The following PCSK6 variants were observed in gnomAD, a reference collection of about 807,000 sequenced individuals.
The protein encoded by PCSK6 is paired basic amino acid cleaving enzyme 4.
A neutral mutation model predicts 123.3 loss-of-function variants in PCSK6; 85 were observed. The observed-to-expected ratio is 0.69, with a 90% confidence interval of 0.58 to 0.83. The LOEUF (loss-of-function observed/expected upper bound fraction) is 0.83, where lower values mean the gene tolerates loss of function less well. Among genes scored for constraint, PCSK6 ranks in the 40% least tolerant of loss-of-function variants. PCSK6 has a pLI of 0.00. For missense variants in PCSK6, 1,191 were observed against 1,282.3 expected (o/e 0.93, Z 1.09); for synonymous variants, 508 against 516.0 (o/e 0.98, Z 0.21).
Position 101,393,658 on chromosome 15 carries a change from G to A in PCSK6, c.997-234C>T, listed in dbSNP as rs1192771656. Among the ~76,000 whole-genome samples, 6 of 152,284 alleles carry A rather than the reference G, an allele frequency of 3.9e-5. No individual in the cohort carries two copies. The East Asian group carries it at 1.2e-3, about 29-fold the overall frequency. ...ATTGCAGAATCACAGGATCATACGA[G>A]GGGAAGGGGCCAGAAAGACTCCTCT... On this transcript the variant is annotated intron_variant, in intron 7 of 21. Coordinates refer to ENST00000611716, the MANE Select transcript of PCSK6 (RefSeq NM_002570.5).
At position 101,325,026 on chromosome 15, in the gene PCSK6, G is replaced by A; in HGVS notation, c.2201C>T (p.Pro734Leu). The change falls in exon 17 of 22, where the codon CCC becomes CTC. Residue 734 changes from proline to leucine, a missense_variant. Pro to Leu is a moderately conservative substitution (Grantham distance 98, BLOSUM62 -3). Around this residue, in one of 3 missense-constraint regions of PCSK6, gnomAD observed 630 missense variants for 631.4 expected, o/e 1.00. Coordinates refer to ENST00000611716, the MANE Select transcript of PCSK6 (RefSeq NM_002570.5). ...KTSRKCVSVC[P>L]LGYFGDTAAR... is the part of the protein sequence containing the mutation. Reference sequence around the variant, plus strand: ...TGCTGTGTCCCCAAAGTAGCCCAAGGGGCACACACTCACGCACTTCCTGTA... The same window carrying A: ...TGCTGTGTCCCCAAAGTAGCCCAAGAGGCACACACTCACGCACTTCCTGTA... The A allele has an allele frequency of 7.5e-6, 12 of 1,610,514 alleles. No individual in the cohort carries two copies. Among genetic ancestry groups the A allele is most frequent in the Non-Finnish European group, 1.0e-5 (12 of 1,179,558 alleles).
At chr15:101,354,658 C>T (rs545726961) in intron 13 of PCSK6, among the ~76,000 whole-genome samples, 7 of 152,324 alleles carry the variant, frequency 4.6e-5, no homozygotes, top group South Asian at 2.1e-4. Context: ...CTTTTAAAAA[C>T]TCTTCACGTA....
chr15:101,400,968 G>C (rs2042568907), intron 6 of PCSK6, among the ~76,000 whole-genome samples: 1 of 152,192 alleles, frequency 6.6e-6, no homozygotes, highest in Admixed American at 6.5e-5. Flanking sequence ...GCAAGACAGA[G>C]AATACAAGAG....
At chr15:101,411,507 A>C (rs978912384) in intron 6 of PCSK6, among the ~76,000 whole-genome samples, 3 of 152,156 alleles carry the variant, frequency 2.0e-5, no homozygotes, top group Admixed American at 6.5e-5. Context: ...CCACAGCCAC[A>C]TGGGGATCTG....
intron 6 of PCSK6, among the ~76,000 whole-genome samples, chr15:101,402,040 CA>C (rs2141587065): frequency 6.6e-6 from 1 of 151,938 alleles, no homozygotes; most frequent in Non-Finnish European, 1.5e-5. Flanking sequence ...CTACAGTAAC[CA>C]AAACAGCATG....
rs969659041 is a variant in PCSK6, at chr15:101,487,830, C to T, written c.297+1544G>A. 7.9e-5 allele frequency among the ~76,000 whole-genome samples: 12 copies of T among 152,040 alleles called. No homozygotes were observed. The East Asian group carries it at 1.2e-3, about 15-fold the overall frequency. On this transcript the variant is annotated intron_variant, in intron 1 of 21. Transcript: ENST00000611716. ...GACAAACGAAGTCAGTGCTACCCGACGGCAAAATCTGAAATCACAGGATGT... is the reference window on the plus strand; with the variant it reads ...GACAAACGAAGTCAGTGCTACCCGATGGCAAAATCTGAAATCACAGGATGT...
intron 21 of PCSK6, among the ~76,000 whole-genome samples, chr15:101,306,762 C>T (rs1054242875): frequency 6.6e-6 from 1 of 152,212 alleles, no homozygotes; most frequent in African/African-American, 2.4e-5. Context: ...TGGATCCCTG[C>T]AGAGCTGGGA....
At chr15:101,354,707 T>C (rs1029667868) in intron 13 of PCSK6, among the ~76,000 whole-genome samples, 11 of 152,216 alleles carry the variant, frequency 7.2e-5, no homozygotes, top group African/African-American at 2.7e-4. Flanking sequence ...GAGAAAACAG[T>C]ACAATGAGTC....
chr15:101,391,050 G>C (rs1352960297), intron 8 of PCSK6, among the ~76,000 whole-genome samples: 1 of 152,152 alleles, frequency 6.6e-6, no homozygotes, highest in African/African-American at 2.4e-5. Context: ...TCTAGGGAAG[G>C]TGGGGGTCTG....
intron 1 of PCSK6, among the ~76,000 whole-genome samples, chr15:101,479,569 G>C (rs1194354491): frequency 1.3e-5 from 2 of 152,324 alleles, no homozygotes; most frequent in Non-Finnish European, 2.9e-5. Context: ...TGGTCGGACA[G>C]GGCTGTGGTC....
rs45542339 is a variant in PCSK6 at position 101,305,045 on chromosome 15, C to T, written c.*213G>A. 4.8e-4 allele frequency: 260 copies of T among 537,946 alleles called. No homozygotes were observed. Among genetic ancestry groups the T allele is most frequent in the Middle Eastern group, 4.8e-4 (1 of 2,086 alleles). 33.3% of individuals were successfully genotyped at this position (537,946 alleles called of 1,614,324 possible). A position where few individuals can be genotyped will look rare whatever the true frequency, so the allele number is the denominator to read the frequency against. On this transcript the variant is annotated 3_prime_UTR_variant, in exon 22 of 22. Transcript: ENST00000611716. The surrounding 1 kb of genome is among the most constrained non-coding windows in gnomAD (Gnocchi z 4.8). Reference sequence around the variant, plus strand: ...TAGTTTGTCGGAAGACTGGAGCCAACAAGCAGCATTTGAGAGGATATCACC... The same window carrying T: ...TAGTTTGTCGGAAGACTGGAGCCAATAAGCAGCATTTGAGAGGATATCACC...
intron 5 of PCSK6, among the ~76,000 whole-genome samples, chr15:101,429,621 C>T (rs908481151): frequency 2.6e-5 from 4 of 152,218 alleles, no homozygotes; most frequent in African/African-American, 9.7e-5. Flanking sequence ...AGGCACGTGA[C>T]CTGTGTGCTC....
chr15:101,375,137 G>A (rs1362779520), intron 11 of PCSK6, among the ~76,000 whole-genome samples: 5 of 152,200 alleles, frequency 3.3e-5, no homozygotes, highest in Admixed American at 3.3e-4. Flanking sequence ...ATTTTTAGTA[G>A]AGATGGGGTT....
chr15:101,463,476 T>A (rs1018229291), intron 1 of PCSK6, among the ~76,000 whole-genome samples: 3 of 152,210 alleles, frequency 2.0e-5, no homozygotes, highest in Non-Finnish European at 2.9e-5. Context: ...ACTCCGCCCA[T>A]GCCTTGGGAA....
In PCSK6 at chr15:101,403,259, T is replaced by C. The variant is rs1447831067; in HGVS notation, c.824-4683A>G. ...ACACAGGAAGGGGAACATCACACTC[T>C]GGGGACTGTTGTGGGGTGGGGGGAG... On this transcript the variant is annotated intron_variant, in intron 6 of 21. Coordinates refer to ENST00000611716, the MANE Select transcript of PCSK6 (RefSeq NM_002570.5). Among the ~76,000 whole-genome samples the C allele has an allele frequency of 7.2e-4, 75 of 103,802 alleles. 1 individual carries two copies. The highest frequency in any genetic ancestry group is 1.9e-3 in the Admixed American group (13 of 7,020). 68.1% of individuals were successfully genotyped at this position (103,802 alleles called of 152,430 possible).
At chr15:101,426,657 C>T (rs2056265302) in intron 6 of PCSK6, among the ~76,000 whole-genome samples, 1 of 152,194 alleles carries the variant, frequency 6.6e-6, no homozygotes, top group Non-Finnish European at 1.5e-5. Flanking sequence ...TTTCGAAACA[C>T]AAGAAATTCC....
At chr15:101,336,281 G>T (rs73493334) in intron 13 of PCSK6, among the ~76,000 whole-genome samples, 6,442 of 152,312 alleles carry the variant, frequency 0.042, 252 homozygotes, top group East Asian at 0.13. Flanking sequence ...GGGTTGCTTT[G>T]GAGATTAAAT....
chr15:101,476,660 C>G (rs976043831), intron 1 of PCSK6, among the ~76,000 whole-genome samples: 3 of 151,542 alleles, frequency 2.0e-5, no homozygotes, highest in Non-Finnish European at 4.4e-5. Flanking sequence ...AATGTGTGAA[C>G]AGTGGTGACA....
intron 6 of PCSK6, among the ~76,000 whole-genome samples, chr15:101,403,745 C>T (rs1013830974): frequency 1.3e-5 from 2 of 151,538 alleles, no homozygotes; most frequent in Admixed American, 6.6e-5. Flanking sequence ...TTTGAGATGG[C>T]GTCTCGCTCT....
Sources: gnomAD v4.1 joint callset for allele counts (sites outside exome capture counted in the v4.1 genomes callset) on GRCh38, gnomAD v4.1.1 for gene constraint, gnomAD v4.1.1 regional missense constraint, Gnocchi (gnomAD v3.1) non-coding constraint, MANE v1.5 for transcripts, NCBI Gene and HGNC (gene_info 2026-07-23, HGNC 2026-07-21) for gene names.